The following USP6 variants were observed in gnomAD, a reference collection of about 807,000 sequenced individuals.
The protein encoded by USP6 is ubiquitin carboxyl-terminal hydrolase 6.
In USP6, 128 loss-of-function variants were observed where a neutral mutation model predicts 175.7. That is an observed-to-expected ratio of 0.73 (90% CI 0.63 to 0.84). USP6 has a LOEUF of 0.84. USP6 is among the 40% of genes least tolerant of loss of function. USP6 has a pLI of 0.00. For synonymous variants in USP6, 562 were observed against 630.6 expected (o/e 0.89, Z 1.63); for missense variants, 1,498 against 1,760.3 (o/e 0.85, Z 2.67).
In USP6 at chr17:5,144,796, T is replaced by A. The variant is rs373629717; in HGVS notation, c.1925T>A (p.Val642Asp). ...LDGLHEDLNR[V>D]HEKPYVELKD... Reference sequence around the variant, plus strand: ...GGTCTTCATGAAGATCTCAACCGAGTCCATGAAAAGCCATATGTGGAACTG... The same window carrying A: ...GGTCTTCATGAAGATCTCAACCGAGACCATGAAAAGCCATATGTGGAACTG... Residue 642 changes from valine to aspartate, a missense_variant, in exon 26 of 38, where the codon GTC becomes GAC. Coordinates refer to ENST00000574788, the MANE Select transcript of USP6 (RefSeq NM_001304284.2). 6.2e-7 allele frequency: 1 copy of A among 1,613,582 alleles called. No individual in the cohort carries two copies. Among genetic ancestry groups the A allele is most frequent in the Non-Finnish European group, 8.5e-7 (1 of 1,179,664 alleles).
chr17:5,152,893 G>A (rs1283716679), intron 30 of USP6, among the ~76,000 whole-genome samples: 1 of 152,202 alleles, frequency 6.6e-6, no homozygotes, highest in Non-Finnish European at 1.5e-5. Context: ...CTACTCAGGA[G>A]GCTGAGGCAA....
intron 31 of USP6, among the ~76,000 whole-genome samples, chr17:5,160,499 A>G (rs2073983857): frequency 6.6e-6 from 1 of 152,154 alleles, no homozygotes; most frequent in African/African-American, 2.4e-5. Flanking sequence ...GCTCCTTGTT[A>G]GGGCAAGGAT....
intron 35 of USP6, among the ~76,000 whole-genome samples, chr17:5,169,587 A>G (rs2074169234): frequency 6.6e-6 from 1 of 152,074 alleles, no homozygotes; most frequent in Admixed American, 6.6e-5. Context: ...GACTACAGGC[A>G]TGCACCACTG....
chr17:5,150,233 T>G (rs900014559), intron 30 of USP6, among the ~76,000 whole-genome samples: 21 of 151,450 alleles, frequency 1.4e-4, no homozygotes, highest in African/African-American at 5.1e-4. Flanking sequence ...TGGAGGTTGC[T>G]GTGAGCTGAG....
chr17:5,146,866 C>A (rs1041022371), intron 28 of USP6, among the ~76,000 whole-genome samples: 2 of 152,148 alleles, frequency 1.3e-5, no homozygotes, highest in Non-Finnish European at 2.9e-5. Context: ...CAACACACTT[C>A]TTCCTGTGAA....
Position 5,148,778 on chromosome 17 carries a change from T to C in USP6, c.2643+11T>C, listed in dbSNP as rs375182993. Reference sequence around the variant, plus strand: ...GTCCACCGAAAAATGGTTAGTTAAATGTTAGGCAACTCACTGCCAGTCTTG... The same window carrying C: ...GTCCACCGAAAAATGGTTAGTTAAACGTTAGGCAACTCACTGCCAGTCTTG... On this transcript the variant is annotated intron_variant, in intron 30 of 37. Transcript: ENST00000574788. 143 of 1,609,730 alleles carry C rather than the reference T, an allele frequency of 8.9e-5. No homozygotes were observed. In the African/African-American group the frequency reaches 1.7e-3, roughly 19 times the overall value.
chr17:5,144,473 A>G (rs1161576091), intron 25 of USP6, among the ~76,000 whole-genome samples: 1 of 151,946 alleles, frequency 6.6e-6, no homozygotes, highest in Non-Finnish European at 1.5e-5. Flanking sequence ...AACTGAGGAC[A>G]CAGTATTGGC....
chr17:5,117,256 G>C (rs1300273650), intron 1 of USP6, among the ~76,000 whole-genome samples: 1 of 152,216 alleles, frequency 6.6e-6, no homozygotes, highest in Non-Finnish European at 1.5e-5. Context: ...GGGGGCTCAA[G>C]CCTCTAATCC....
intron 16 of USP6, 74 bp from the exon 17 acceptor site, chr17:5,135,734 A>G (rs1372632754): frequency 4.3e-5 from 68 of 1,596,650 alleles, no homozygotes; most frequent in Middle Eastern, 2.2e-4. Flanking sequence ...TGCCCTCTCC[A>G]ATGACATGAG....
rs765529517 is a variant in USP6, at chr17:5,139,477, G to C, written c.1301G>C (p.Ser434Thr). ...TYPVGTQGVP[S>T]LALAQGGPQG... ...CCTGTGGGCACTCAGGGTGTGCCCAGCCTGGCCCTGGCTCAGGGAGGACCT... is the reference window on the plus strand; with the variant it reads ...CCTGTGGGCACTCAGGGTGTGCCCACCCTGGCCCTGGCTCAGGGAGGACCT... Residue 434 changes from serine (S) to threonine (T), a missense_variant, in exon 22 of 38, where the codon AGC (serine) becomes ACC (threonine). Physicochemically the swap from Ser to Thr is moderately conservative, Grantham distance 58 (BLOSUM62 1). This residue lies in a region of USP6 where 1,217 missense variants were observed against 1,500.8 expected (regional missense o/e 0.81). Coordinates refer to ENST00000574788, the MANE Select transcript of USP6 (RefSeq NM_001304284.2). 6.2e-7 allele frequency: 1 copy of C among 1,613,404 alleles called. No individual in the cohort carries two copies. The highest frequency in any genetic ancestry group is 1.7e-5 in the Admixed American group (1 of 60,036).
Position 5,142,511 on chromosome 17 carries a change from G to T in USP6, c.1818+9G>T. On this transcript the variant is annotated intron_variant, in intron 25 of 37. Coordinates refer to ENST00000574788, the MANE Select transcript of USP6 (RefSeq NM_001304284.2). ...CCCCATTAAAGCTTCGGGTAAGCAGGTTAAAATAATATAAAAGTATTTAAT... is the reference window on the plus strand; with the variant it reads ...CCCCATTAAAGCTTCGGGTAAGCAGTTTAAAATAATATAAAAGTATTTAAT... The T allele has an allele frequency of 6.3e-7, 1 of 1,599,634 alleles. No homozygotes were observed. The highest frequency in any genetic ancestry group is 8.5e-7 in the Non-Finnish European group (1 of 1,173,996).
intron 11 of USP6, among the ~76,000 whole-genome samples, chr17:5,131,981 G>T (rs755913320): frequency 6.6e-6 from 1 of 152,148 alleles, no homozygotes; most frequent in Non-Finnish European, 1.5e-5. Flanking sequence ...CTCAGGGCAG[G>T]CTTCCTTGAC....
chr17:5,165,981 T>A (rs1402893141), intron 33 of USP6, among the ~76,000 whole-genome samples: 1 of 152,256 alleles, frequency 6.6e-6, no homozygotes, highest in Non-Finnish European at 1.5e-5. Flanking sequence ...ACTAGCTTAC[T>A]CTCATTTGTG....
At chr17:5,138,019 A>G (rs949838066) in intron 20 of USP6, 102 bp from the exon 21 acceptor site, 2 of 1,591,462 alleles carry the variant, frequency 1.3e-6, no homozygotes, top group South Asian at 1.1e-5. Context: ...GTGGCCACAA[A>G]AGGATTCGGC....
rs2143798450 is a variant in USP6 at position 5,127,511 on chromosome 17, A to G, written c.-466A>G. 1 of 152,364 alleles carries G rather than the reference A, an allele frequency of 6.6e-6. No homozygotes were observed. Among genetic ancestry groups the G allele is most frequent in the African/African-American group, 2.4e-5 (1 of 41,556 alleles). 9.4% of individuals were successfully genotyped at this position (152,364 alleles called of 1,614,324 possible). A position where few individuals can be genotyped will look rare whatever the true frequency, so the allele number is the denominator to read the frequency against. ...CTTGTCTCTTCTTGCTAGGGCTGTC[A>G]TTGGGACAGTCTGAGATGGGGAGTC... On this transcript the variant is annotated 5_prime_UTR_variant, in exon 7 of 38. Transcript: ENST00000574788.
Position 5,172,854 on chromosome 17 carries a change from A to G in USP6, c.4097A>G (p.Tyr1366Cys). 1.9e-6 allele frequency: 3 copies of G among 1,613,958 alleles called. No individual in the cohort carries two copies. The highest frequency in any genetic ancestry group is 1.7e-6 in the Non-Finnish European group (2 of 1,179,872). Residue 1366 changes from tyrosine (Y) to cysteine (C), a missense_variant, in exon 38 of 38, where the codon TAT becomes TGT. Coordinates refer to ENST00000574788, the MANE Select transcript of USP6 (RefSeq NM_001304284.2). ...IDTDSAYILF[Y>C]EQQGIDYAQF... ...ACCGACTCTGCCTACATTCTTTTCT[A>G]TGAGCAGCAGGGGATAGACTACGCA...
intron 31 of USP6, among the ~76,000 whole-genome samples, 177 bp downstream of exon 31, chr17:5,155,783 A>T (rs2073870413): frequency 6.6e-6 from 1 of 152,222 alleles, no homozygotes; most frequent in Non-Finnish European, 1.5e-5. Flanking sequence ...TTTTGGAAGA[A>T]CCACTCAGAG....
intron 20 of USP6, 26 bp downstream of exon 20, chr17:5,137,776 C>A (rs1271528016): frequency 6.2e-7 from 1 of 1,604,336 alleles, no homozygotes; most frequent in South Asian, 1.1e-5. Context: ...CCCAGTGGGG[C>A]CTGGGGAGCC....
chr17:5,158,793 T>C (rs915741925), intron 31 of USP6, among the ~76,000 whole-genome samples: 3 of 152,204 alleles, frequency 2.0e-5, no homozygotes, highest in African/African-American at 7.2e-5. Context: ...CCACTGGATT[T>C]GATAAAATGG....
Sources: gnomAD v4.1 joint callset for allele counts (sites outside exome capture counted in the v4.1 genomes callset) on GRCh38, gnomAD v4.1.1 for gene constraint, gnomAD v4.1.1 regional missense constraint, MANE v1.5 for transcripts, NCBI Gene and HGNC (gene_info 2026-07-23, HGNC 2026-07-21) for gene names.